The following GRID2 variants were observed in gnomAD, a reference collection of about 807,000 sequenced individuals.
GRID2 encodes the protein glutamate ionotropic receptor delta type subunit 2.
In GRID2, 33 loss-of-function variants were observed where a neutral mutation model predicts 114.8. The ratio of observed to expected loss-of-function variants is 0.29; its 90% CI spans 0.22 to 0.38. The LOEUF is 0.38. Ranked by LOEUF, GRID2 falls within the 10% of genes least tolerant of loss-of-function variation. GRID2 has a pLI of 1.00. For missense variants in GRID2, 1,184 were observed against 1,257.7 expected, an observed-to-expected ratio of 0.94 and a Z score of 0.89; for synonymous variants, 505 against 449.9, an observed-to-expected ratio of 1.12 and a Z score of -1.55.
At position 92,468,644 on chromosome 4, in the gene GRID2, T is replaced by C. The variant is rs184566501; in HGVS notation, c.89-121487T>C. On this transcript the variant is annotated intron_variant, in intron 1 of 15. Coordinates refer to ENST00000282020, the MANE Select transcript of GRID2 (RefSeq NM_001510.4). The stretch of plus-strand genomic sequence containing the variant: ...AACAAAAAAACAAACACCTCTAAGT[T>C]TGTGGCTTTGTACAGAGAGAGTGGT... 3.5e-3 allele frequency among the ~76,000 whole-genome samples: 540 copies of C among 152,168 alleles called. 3 individuals are homozygous for C. The highest frequency in any genetic ancestry group is 6.1e-3 in the Non-Finnish European group (414 of 67,982).
intron 14 of GRID2, among the ~76,000 whole-genome samples, chr4:93,644,660 T>C (rs187530727): frequency 2.0e-5 from 3 of 152,236 alleles, no homozygotes; most frequent in Non-Finnish European, 4.4e-5. Context: ...TTTCTGCATG[T>C]TTTTAGCAAG....
intron 14 of GRID2, among the ~76,000 whole-genome samples, chr4:93,676,503 C>G (rs1049703921): frequency 2.0e-5 from 3 of 152,116 alleles, no homozygotes; most frequent in Non-Finnish European, 4.4e-5. Context: ...TGGCTTTACC[C>G]ATTTTCCGTG....
At chr4:92,502,689 T>A (rs1212235713) in intron 1 of GRID2, among the ~76,000 whole-genome samples, 1 of 145,798 alleles carries the variant, frequency 6.9e-6, no homozygotes, top group African/African-American at 2.5e-5. Context: ...AGCAATGAAC[T>A]AATGCCATGT....
intron 13 of GRID2, among the ~76,000 whole-genome samples, chr4:93,550,751 T>C (rs1034716584): frequency 2.6e-5 from 4 of 152,200 alleles, no homozygotes; most frequent in Non-Finnish European, 4.4e-5. Context: ...AACATCATAT[T>C]CCAGCAATGT....
At chr4:93,113,212 G>A (rs1172735322) in intron 4 of GRID2, among the ~76,000 whole-genome samples, 4 of 152,094 alleles carry the variant, frequency 2.6e-5, no homozygotes, top group African/African-American at 4.8e-5. Context: ...ACTACTTACT[G>A]CTTTCTTTTC....
intron 1 of GRID2, among the ~76,000 whole-genome samples, chr4:92,486,001 A>G (rs1295153054): frequency 6.6e-6 from 1 of 151,996 alleles, no homozygotes; most frequent in Non-Finnish European, 1.5e-5. Flanking sequence ...GAAATCCACC[A>G]AGAAAACTAT....
intron 1 of GRID2, among the ~76,000 whole-genome samples, chr4:92,586,981 G>C (rs1479722288): frequency 3.3e-5 from 5 of 151,836 alleles, no homozygotes; most frequent in Non-Finnish European, 5.9e-5. Context: ...TGATGGAAAT[G>C]ACTAAAAATT....
At chr4:93,696,989 C>G (rs139763665) in intron 14 of GRID2, among the ~76,000 whole-genome samples, 1 of 152,040 alleles carries the variant, frequency 6.6e-6, no homozygotes, top group Non-Finnish European at 1.5e-5. Flanking sequence ...ATGCATTAAC[C>G]CACTCTATGT....
At chr4:93,169,641 G>A (rs1426875363) in intron 4 of GRID2, among the ~76,000 whole-genome samples, 1 of 152,136 alleles carries the variant, frequency 6.6e-6, no homozygotes, top group Non-Finnish European at 1.5e-5. Flanking sequence ...TTTTTCAGTG[G>A]TTGAATGTAC....
At chr4:92,809,772 A>G (rs773614256) in intron 2 of GRID2, among the ~76,000 whole-genome samples, 7 of 152,024 alleles carry the variant, frequency 4.6e-5, no homozygotes, top group Non-Finnish European at 1.0e-4. Flanking sequence ...CTGCAGTTGA[A>G]GGTATTACCT....
At chr4:92,652,129 C>T (rs140999631) in intron 2 of GRID2, among the ~76,000 whole-genome samples, 3 of 152,120 alleles carry the variant, frequency 2.0e-5, no homozygotes, top group South Asian at 2.1e-4. Context: ...TCAGATAACA[C>T]TCAGTTTATT....
intron 2 of GRID2, among the ~76,000 whole-genome samples, chr4:92,857,930 A>G (rs527469514): frequency 2.0e-5 from 3 of 152,300 alleles, no homozygotes; most frequent in South Asian, 2.1e-4. Flanking sequence ...TGAAAATCCT[A>G]GATCCCTTAT....
intron 2 of GRID2, among the ~76,000 whole-genome samples, chr4:92,988,502 T>G (rs1276895117): frequency 2.0e-5 from 3 of 152,172 alleles, no homozygotes; most frequent in Admixed American, 2.0e-4. Flanking sequence ...CTGCTATATT[T>G]TATCCATTAG....
chr4:92,365,759 A>G (rs954790105), intron 1 of GRID2, among the ~76,000 whole-genome samples: 2 of 152,090 alleles, frequency 1.3e-5, no homozygotes, highest in African/African-American at 4.8e-5. Flanking sequence ...ATGTAATACA[A>G]TTATGACTTG....
chr4:93,483,786 T>A (rs897684094), intron 11 of GRID2, among the ~76,000 whole-genome samples: 5 of 151,832 alleles, frequency 3.3e-5, no homozygotes, highest in African/African-American at 1.2e-4. Flanking sequence ...AAAATAAAAA[T>A]TTTTCATGCT....
At chr4:92,993,555 C>T (rs1246816371) in intron 2 of GRID2, among the ~76,000 whole-genome samples, 2 of 152,110 alleles carry the variant, frequency 1.3e-5, no homozygotes, top group African/African-American at 4.8e-5. Context: ...TAAAATTAAT[C>T]TCCATCTCTT....
Position 93,605,576 on chromosome 4 carries a change from A to G in GRID2, c.2194-20693A>G, listed in dbSNP as rs1336612868. ...AATGTTTGAGAATTGGAATATAGTA[A>G]TAGTTGAATGAATAGGGAGTTCAAG... On this transcript the variant is annotated intron_variant, in intron 13 of 15. Transcript: ENST00000282020. 2.0e-5 allele frequency among the ~76,000 whole-genome samples: 3 copies of G among 152,212 alleles called. No individual in the cohort carries two copies. In the East Asian group the frequency reaches 5.8e-4, roughly 29 times the overall value.
chr4:92,557,623 T>C lies in GRID2; in HGVS notation c.89-32508T>C, dbSNP rs1171228084. ...ATTTGTGTATTAGATATTTTAATAC[T>C]TCACTGCATATATATATATGGTTAT... is the stretch of plus-strand genomic sequence containing the variant. On this transcript the variant is annotated intron_variant, in intron 1 of 15. Coordinates refer to ENST00000282020, the MANE Select transcript of GRID2 (RefSeq NM_001510.4). Among the ~76,000 whole-genome samples, 15 of 129,400 alleles carry C rather than the reference T, an allele frequency of 1.2e-4. No individual in the cohort carries two copies. The Admixed American group carries it at 1.2e-3, about 10-fold the overall frequency. 84.9% of individuals were successfully genotyped at this position (129,400 alleles called of 152,430 possible). A position where few individuals can be genotyped will look rare whatever the true frequency, so the allele number is the denominator to read the frequency against.
chr4:93,277,533 A>G (rs536260902), intron 8 of GRID2, among the ~76,000 whole-genome samples: 1 of 152,052 alleles, frequency 6.6e-6, no homozygotes, highest in African/African-American at 2.4e-5. Flanking sequence ...GCTATTTGCT[A>G]TGAAAACTTT....
Sources: gnomAD v4.1 joint callset for allele counts (sites outside exome capture counted in the v4.1 genomes callset) on GRCh38, gnomAD v4.1.1 for gene constraint, MANE v1.5 for transcripts, NCBI Gene and HGNC (gene_info 2026-07-23, HGNC 2026-07-21) for gene names.